NUP42: variants seen among roughly 807,000 people sequenced by gnomAD.
NUP42 encodes nucleoporin NUP42.
In NUP42, 47 loss-of-function variants were observed where a neutral mutation model predicts 35.9. The observed-to-expected ratio is 1.31, with a 90% CI of 1.04 to 1.67. The LOEUF (loss-of-function observed/expected upper bound fraction) is 1.67. Ranked by LOEUF, NUP42 falls within the 40% of genes most tolerant of loss-of-function variation. NUP42 has a pLI of 0.00. For synonymous variants in NUP42, 173 were observed against 173.3 expected (o/e 1.00, Z 0.01); for missense variants, 514 against 492.2 (o/e 1.04, Z -0.42).
At chr7:23,194,496 G>GATT (rs1785938005) in intron 3 of NUP42, 1 of 152,450 alleles carries the variant, frequency 6.6e-6, no homozygotes, top group Admixed American at 6.6e-5. Context: ...GAGTAGCTCG[G>GATT]ATTATAGGCA....
intron 2 of NUP42, among the ~76,000 whole-genome samples, 186 bp downstream of exon 2, chr7:23,185,484 C>T (rs1198517130): frequency 6.6e-6 from 1 of 152,138 alleles, no homozygotes; most frequent in African/African-American, 2.4e-5. Flanking sequence ...TTCTATCACT[C>T]ATAGATAGCC....
At position 23,200,312 on chromosome 7, in the gene NUP42, G is replaced by A. The variant is rs1031202329; in HGVS notation, c.839G>A (p.Gly280Asp). Residue 280 changes from glycine to aspartate, a missense_variant, in exon 7 of 7, where the codon GGT (glycine) becomes GAT (aspartate). By Grantham distance (94) the Gly-to-Asp change is moderately conservative. Transcript: ENST00000258742. ...GGAGCTGCAGCCTCTACCAGTTCAG[G>A]TATCTCTACTTCTGCTCCAGCTTTT... is the stretch of plus-strand genomic sequence containing the variant. ...AFGAAASTSS[G>D]ISTSAPAFGF... 22 of 1,604,272 alleles carry A rather than the reference G, an allele frequency of 1.4e-5. No homozygotes were observed. The highest frequency in any genetic ancestry group is 1.7e-4 in the Middle Eastern group (1 of 6,050).
At chr7:23,185,704 T>G (rs1266188392) in intron 2 of NUP42, among the ~76,000 whole-genome samples, 1 of 152,202 alleles carries the variant, frequency 6.6e-6, no homozygotes, top group Non-Finnish European at 1.5e-5. Context: ...TAGAACAACT[T>G]GTGAACTTGG....
At chr7:23,193,025 T>C (rs1785859443) in intron 3 of NUP42, among the ~76,000 whole-genome samples, 2 of 151,926 alleles carry the variant, frequency 1.3e-5, no homozygotes, top group African/African-American at 2.4e-5. Context: ...TCTCGCTGGC[T>C]CAGGAGTGAA....
intron 3 of NUP42, among the ~76,000 whole-genome samples, chr7:23,193,921 C>T (rs1012363456): frequency 6.6e-6 from 1 of 152,264 alleles, no homozygotes; most frequent in African/African-American, 2.4e-5. Flanking sequence ...AGCGCAGCGC[C>T]GGTGGGCCGG....
chr7:23,191,959 A>C (rs577162176), intron 3 of NUP42, among the ~76,000 whole-genome samples: 1 of 152,220 alleles, frequency 6.6e-6, no homozygotes, highest in Non-Finnish European at 1.5e-5. Flanking sequence ...CTGTGTCTCA[A>C]AAATAAAAAA....
At chr7:23,192,985 G>A (rs144742030) in intron 3 of NUP42, among the ~76,000 whole-genome samples, 146 of 152,150 alleles carry the variant, frequency 9.6e-4, no homozygotes, top group African/African-American at 3.3e-3. Flanking sequence ...AGATGTGTTC[G>A]GAGTTTATTC....
intron 5 of NUP42, 58 bp from the exon 6 acceptor site, chr7:23,199,400 A>G (rs1005557385): frequency 4.0e-5 from 55 of 1,375,516 alleles, no homozygotes; most frequent in Non-Finnish European, 5.4e-5. Context: ...GTGTATAGAA[A>G]AGATACTGGA....
intron 3 of NUP42, among the ~76,000 whole-genome samples, chr7:23,190,543 G>A (rs1344694907): frequency 1.3e-5 from 2 of 152,028 alleles, no homozygotes; most frequent in African/African-American, 4.8e-5. Context: ...CATTCTTTGG[G>A]GTCCTTAATG....
At chr7:23,183,929 G>T (rs1476289276) in intron 1 of NUP42, among the ~76,000 whole-genome samples, 3 of 142,554 alleles carry the variant, frequency 2.1e-5, no homozygotes, top group Non-Finnish European at 3.0e-5. Flanking sequence ...GTTGCAGGAT[G>T]AACTTTCACA....
intron 4 of NUP42, 80 bp from the exon 5 acceptor site, chr7:23,196,600 G>T: frequency 9.8e-7 from 1 of 1,022,408 alleles, no homozygotes; most frequent in Non-Finnish European, 1.5e-6. Flanking sequence ...TTTTGGCAAA[G>T]AAGTATGTGA....
chr7:23,182,742 C>CAAAAAAAAA lies in NUP42; in HGVS notation c.121+551_121+559dup, dbSNP rs60397960. 5.1e-4 allele frequency among the ~76,000 whole-genome samples: 38 copies of CAAAAAAAAA among 74,132 alleles called. 2 individuals carry two copies. The highest frequency in any genetic ancestry group is 7.1e-4 in the African/African-American group (12 of 16,976). The allele number at this position is 74,132 out of a possible 152,430, so 48.6% of individuals were successfully genotyped here. ...GAAACACCGTCTTTACTAAAAATAC[C>CAAAAAAAAA]AAAAAAAAAAAAAAAAAAAAAAATA... On this transcript the variant is annotated intron_variant, in intron 1 of 6. Transcript: ENST00000258742.
Position 23,196,712 on chromosome 7 carries a change from G to C in NUP42, c.555G>C (p.Trp185Cys), listed in dbSNP as rs767136071. The C allele has an allele frequency of 5.6e-6, 9 of 1,612,498 alleles. No individual in the cohort carries two copies. Among genetic ancestry groups the C allele is most frequent in the Non-Finnish European group, 7.6e-6 (9 of 1,178,878 alleles). ...LNSVQRLINQ[W>C]RNRVNELKSL... is the part of the protein sequence containing the mutation. ...CTGTCCAACGTTTAATAAATCAATG[G>C]AGGAACAGGGTAAATGAACTGAAAA... Residue 185 changes from tryptophan to cysteine, a missense_variant, in exon 5 of 7, where the codon TGG becomes TGC. Physicochemically the swap from Trp to Cys is radical, Grantham distance 215 (BLOSUM62 -2). Transcript: ENST00000258742.
chr7:23,182,116 C>G lies in NUP42; in HGVS notation c.31C>G (p.Arg11Gly), dbSNP rs370296256. 2 of 1,614,186 alleles carry G rather than the reference C, an allele frequency of 1.2e-6. No homozygotes were observed. The highest frequency in any genetic ancestry group is 1.7e-6 in the Non-Finnish European group (2 of 1,180,044). Reference protein sequence around the residue: MAICQFFLQGRCRFGDRCWNE... With the variant: MAICQFFLQGGCRFGDRCWNE... ...CATTTGTCAATTCTTCCTTCAAGGC[C>G]GGTGCCGCTTTGGAGATCGGTGCTG... The change falls in exon 1 of 7, where the codon CGG becomes GGG. Residue 11 changes from arginine to glycine, a missense_variant. Coordinates refer to ENST00000258742, the MANE Select transcript of NUP42 (RefSeq NM_007342.3).
chr7:23,195,460 CTT>C (rs1785980377), intron 3 of NUP42: 2 of 160,402 alleles, frequency 1.2e-5, no homozygotes, highest in South Asian at 3.6e-4. Flanking sequence ...TAGTTCTTCT[CTT>C]GTCATATATG....
intron 3 of NUP42, among the ~76,000 whole-genome samples, chr7:23,187,842 G>A (rs1785648052): frequency 6.6e-6 from 1 of 151,496 alleles, no homozygotes; most frequent in African/African-American, 2.4e-5. Context: ...CTGACCTCAG[G>A]TGATCCGCCC....
At chr7:23,187,226 A>AAAAAAAAAAAGAG in intron 3 of NUP42, 80 bp downstream of exon 3, 1 of 931,776 alleles carries the variant, frequency 1.1e-6, no homozygotes, top group Non-Finnish European at 1.7e-6. Flanking sequence ...AAATAAAGAA[A>AAAAAAAAAAAGAG]TCAACTACCA....
intron 3 of NUP42, among the ~76,000 whole-genome samples, chr7:23,191,357 T>G (rs759396019): frequency 1.6e-4 from 24 of 152,124 alleles, no homozygotes; most frequent in Non-Finnish European, 2.6e-4. Flanking sequence ...GGAGACAAGT[T>G]AGAAGACATT....
chr7:23,188,317 A>G (rs1785674901), intron 3 of NUP42: 20 of 1,165,650 alleles, frequency 1.7e-5, no homozygotes, highest in Non-Finnish European at 2.1e-5. Flanking sequence ...GTGATGAGCA[A>G]GACAGACAAG....
Sources: gnomAD v4.1 joint callset for allele counts (sites outside exome capture counted in the v4.1 genomes callset) on GRCh38, gnomAD v4.1.1 for gene constraint, MANE v1.5 for transcripts, NCBI Gene and HGNC (gene_info 2026-07-23, HGNC 2026-07-21) for gene names.